RHPN1: variants seen among roughly 807,000 people sequenced by gnomAD.
The protein encoded by RHPN1 is rhophilin Rho GTPase binding protein 1.
Under a neutral mutation model 74.7 loss-of-function variants are expected in RHPN1, and 77 were observed. The observed-to-expected ratio is 1.03, with a 90% confidence interval of 0.86 to 1.25. The LOEUF (loss-of-function observed/expected upper bound fraction) is 1.25, where lower values mean the gene tolerates loss of function less well. Ranked by LOEUF, RHPN1 falls within the 50% of genes most tolerant of loss-of-function variation. The pLI, the probability that RHPN1 is intolerant of heterozygous loss-of-function variation, is 0.00. For missense variants in RHPN1, 987 were observed against 932.2 expected (o/e 1.06, Z -0.77); for synonymous variants, 444 against 414.5 (o/e 1.07, Z -0.87).
intron 7 of RHPN1, 71 bp from the exon 8 acceptor site, chr8:143,379,244 C>T: frequency 1.4e-6 from 2 of 1,457,958 alleles, no homozygotes; most frequent in Non-Finnish European, 9.1e-7. Flanking sequence ...AGCTGGCCGC[C>T]CTGAGTGCTG....
chr8:143,381,169 G>T, intron 11 of RHPN1, 99 bp from the exon 12 acceptor site: 2 of 1,006,596 alleles, frequency 2.0e-6, no homozygotes, highest in Non-Finnish European at 3.0e-6. Context: ...GTCAGAAGCG[G>T]GGCCTGTGTG....
At chr8:143,375,718 G>A (rs1237804339) in intron 2 of RHPN1, 50 bp downstream of exon 2, 3 of 1,430,050 alleles carry the variant, frequency 2.1e-6, no homozygotes, top group Admixed American at 4.1e-5. Context: ...ACCTGGGTGA[G>A]GGGGGCAGGA....
chr8:143,380,453 C>G, intron 10 of RHPN1, 136 bp from the exon 11 acceptor site: 2 of 813,184 alleles, frequency 2.5e-6, no homozygotes, highest in Middle Eastern at 7.3e-4. Flanking sequence ...CAGCCAGCTC[C>G]TCACCCCCGT....
chr8:143,378,665 G>A (rs1166289125), intron 5 of RHPN1, 31 bp from the exon 6 acceptor site: 2 of 1,586,630 alleles, frequency 1.3e-6, no homozygotes, highest in Non-Finnish European at 1.7e-6. Flanking sequence ...GTGGGCCAGG[G>A]CGGTGGGGCC....
Position 143,382,451 on chromosome 8 carries a change from GTCCTGCTGGGCCCCAGGGGGCT to G in RHPN1, c.1816_1837del (p.Leu606Ter), listed in dbSNP as rs1176352158. Reference sequence around the variant, plus strand: ...CCTGCTGCAGGGGGACCGCCGGCCCGTCCTGCTGGGCCCCAGGGGGCTTCTAAGGAGCCAGAGGGAGCATGGT... The same window carrying G: ...CCTGCTGCAGGGGGACCGCCGGCCCGTCTAAGGAGCCAGAGGGAGCATGGT... On this transcript the variant is annotated frameshift_variant, in exon 15 of 15. Transcript: ENST00000289013. LOFTEE classifies it low-confidence loss of function (END_TRUNC). 1 of 1,574,886 alleles carries G rather than the reference GTCCTGCTGGGCCCCAGGGGGCT, an allele frequency of 6.3e-7. No homozygotes were observed. Among genetic ancestry groups the G allele is most frequent in the African/African-American group, 1.3e-5 (1 of 74,132 alleles).
chr8:143,377,424 C>G lies in RHPN1; in HGVS notation c.350C>G (p.Thr117Ser), dbSNP rs754983678. 1 of 1,613,468 alleles carries G rather than the reference C, an allele frequency of 6.2e-7. No individual in the cohort carries two copies. The highest frequency in any genetic ancestry group is 8.5e-7 in the Non-Finnish European group (1 of 1,179,564). Residue 117 changes from threonine to serine, a missense_variant, in exon 4 of 15, where the codon ACC (threonine) becomes AGC (serine). By Grantham distance (58) the Thr-to-Ser change is moderately conservative. Coordinates refer to ENST00000289013, the MANE Select transcript of RHPN1 (RefSeq NM_052924.3). ...VPMIPLGLKE[T>S]KELDWSTPLK... ...ATGATCCCCCTGGGCCTGAAGGAGA[C>G]CAAGGAGCTGGACTGGTCTACACCG...
chr8:143,379,392 G>A lies in RHPN1; in HGVS notation c.829G>A (p.Glu277Lys). 6.3e-7 allele frequency: 1 copy of A among 1,597,054 alleles called. No homozygotes were observed. The highest frequency in any genetic ancestry group is 8.5e-7 in the Non-Finnish European group (1 of 1,172,308). Reference sequence around the variant, plus strand: ...GAGCGCTGCGTCCCTCTGCGCACTGGAGCAGCTCATGATGGCCCAGGCCCA... The same window carrying A: ...GAGCGCTGCGTCCCTCTGCGCACTGAAGCAGCTCATGATGGCCCAGGCCCA... ...DMSAASLCAL[E>K]QLMMAQAQEC... Residue 277 changes from glutamate (E) to lysine (K), a missense_variant, in exon 8 of 15, where the codon GAG becomes AAG. Transcript: ENST00000289013.
chr8:143,379,883 G>C lies in RHPN1; in HGVS notation c.1000G>C (p.Asp334His). 6.2e-7 allele frequency: 1 copy of C among 1,610,452 alleles called. No individual in the cohort carries two copies. The highest frequency in any genetic ancestry group is 1.7e-4 in the Middle Eastern group (1 of 6,052). ...GACCATGGCCCAGCCACCCGTCCAC[G>C]ACTACGTGCCTGTCTCCTGGACTGC... is the stretch of plus-strand genomic sequence containing the variant. ...HRTMAQPPVH[D>H]YVPVSWTALV... is the part of the protein sequence containing the mutation. Residue 334 changes from aspartate (D) to histidine (H), a missense_variant, in exon 9 of 15, where the codon GAC becomes CAC. Coordinates refer to ENST00000289013, the MANE Select transcript of RHPN1 (RefSeq NM_052924.3).
At chr8:143,374,007 G>A in intron 1 of RHPN1, 1 of 479,058 alleles carries the variant, frequency 2.1e-6, no homozygotes, top group Non-Finnish European at 2.7e-6. Flanking sequence ...GCTGGCTGCT[G>A]TGATTTTGGG....
At chr8:143,378,145 C>T in intron 4 of RHPN1, 124 bp from the exon 5 acceptor site, 1 of 815,818 alleles carries the variant, frequency 1.2e-6, no homozygotes, top group Non-Finnish European at 2.0e-6. Context: ...GCATGGCAGC[C>T]AGCCTGCTCT....
intron 1 of RHPN1, among the ~76,000 whole-genome samples, chr8:143,370,998 G>T (rs375864188): frequency 3.9e-5 from 6 of 152,146 alleles, no homozygotes. Flanking sequence ...AGGTTCCCCA[G>T]CCTGGCTGGA....
In RHPN1 at chr8:143,379,311, G is replaced by T. The variant is rs542361734; in HGVS notation, c.752-4G>T. Reference sequence around the variant, plus strand: ...TGCCTGTGTGAGCACCCCTCCCTCCGCAGGGGCCTTCAGCCTCCTGAGGGA... The same window carrying T: ...TGCCTGTGTGAGCACCCCTCCCTCCTCAGGGGCCTTCAGCCTCCTGAGGGA... On this transcript the variant is annotated splice_region_variant and splice_polypyrimidine_tract_variant and intron_variant, in intron 7 of 14. Transcript: ENST00000289013. 1.1e-5 allele frequency: 17 copies of T among 1,580,774 alleles called. No homozygotes were observed. Among genetic ancestry groups the T allele is most frequent in the South Asian group, 5.7e-5 (5 of 87,400 alleles).
In RHPN1 at chr8:143,381,253, C is replaced by T. The variant is rs778072287; in HGVS notation, c.1412-15C>T. 1.2e-6 allele frequency: 2 copies of T among 1,609,932 alleles called. No homozygotes were observed. On this transcript the variant is annotated splice_polypyrimidine_tract_variant and intron_variant, in intron 11 of 14. Coordinates refer to ENST00000289013, the MANE Select transcript of RHPN1 (RefSeq NM_052924.3). ...CACAGTCTCCCAGCTTAGCTCTGCT[C>T]TTACACCCTCTCAGCTAAGACCCAC...
At chr8:143,379,697 C>T in intron 8 of RHPN1, 132 bp from the exon 9 acceptor site, 1 of 1,451,408 alleles carries the variant, frequency 6.9e-7, no homozygotes, top group Non-Finnish European at 9.1e-7. Context: ...GGGGATGGCA[C>T]AAAGCAGCAG....
intron 1 of RHPN1, among the ~76,000 whole-genome samples, chr8:143,370,361 G>A (rs1346961133): frequency 1.3e-5 from 2 of 152,216 alleles, no homozygotes; most frequent in African/African-American, 4.8e-5. Context: ...GCGGAGGCAG[G>A]CCCTGTGTCA....
rs577841255 is a variant in RHPN1, at chr8:143,374,689, C to T, written c.61-864C>T. ...CGGGGAAGAGTGGGGGTTGGGAGGCCATGGTGAGAGGGAGGGACACGTGAG... is the reference window on the plus strand; with the variant it reads ...CGGGGAAGAGTGGGGGTTGGGAGGCTATGGTGAGAGGGAGGGACACGTGAG... On this transcript the variant is annotated intron_variant, in intron 1 of 14. Transcript: ENST00000289013. Among the ~76,000 whole-genome samples the T allele has an allele frequency of 8.5e-5, 13 of 152,238 alleles. No individual in the cohort carries two copies. The East Asian group carries it at 1.9e-3, about 23-fold the overall frequency.
In RHPN1 at chr8:143,377,404, C is replaced by A. The variant is rs1195537753; in HGVS notation, c.330C>A (p.Ile110=). The change falls in exon 4 of 15, where the codon ATC becomes ATA. Residue 110 remains isoleucine (I), a synonymous_variant. Coordinates refer to ENST00000289013, the MANE Select transcript of RHPN1 (RefSeq NM_052924.3). Reference sequence around the variant, plus strand: ...GCGAAGCTGTCACTGTCCCCATGATCCCCCTGGGCCTGAAGGAGACCAAGG... The same window carrying A: ...GCGAAGCTGTCACTGTCCCCATGATACCCCTGGGCCTGAAGGAGACCAAGG... ...HGSEAVTVPM[I]PLGLKETKEL... is the part of the protein sequence containing the mutation. 6.2e-7 allele frequency: 1 copy of A among 1,613,182 alleles called. No individual in the cohort carries two copies. Among genetic ancestry groups the A allele is most frequent in the South Asian group, 1.1e-5 (1 of 91,082 alleles).
chr8:143,375,484 G>A (rs1818150530), intron 1 of RHPN1, 69 bp from the exon 2 acceptor site: 1 of 1,087,166 alleles, frequency 9.2e-7, no homozygotes, highest in Non-Finnish European at 1.3e-6. Flanking sequence ...TCCTCTCAGT[G>A]GCTGGCGAGG....
Position 143,381,707 on chromosome 8 carries a change from A to T in RHPN1, c.1624A>T (p.Ser542Cys). 6.2e-7 allele frequency: 1 copy of T among 1,610,708 alleles called. No homozygotes were observed. The highest frequency in any genetic ancestry group is 1.1e-5 in the South Asian group (1 of 90,802). Reference protein sequence around the residue: ...PVLIAAVIPGSQAAAAGLKEG... With the variant: ...PVLIAAVIPGCQAAAAGLKEG... Reference sequence around the variant, plus strand: ...CCTCATCGCTGCCGTCATTCCAGGGAGCCAGGCCGCGGTAAGGGCCCCGCC... The same window carrying T: ...CCTCATCGCTGCCGTCATTCCAGGGTGCCAGGCCGCGGTAAGGGCCCCGCC... Residue 542 changes from serine to cysteine, a missense_variant, in exon 13 of 15, where the codon AGC becomes TGC. Coordinates refer to ENST00000289013, the MANE Select transcript of RHPN1 (RefSeq NM_052924.3).
Sources: gnomAD v4.1 joint callset for allele counts (sites outside exome capture counted in the v4.1 genomes callset) on GRCh38, gnomAD v4.1.1 for gene constraint, MANE v1.5 for transcripts, NCBI Gene and HGNC (gene_info 2026-07-23, HGNC 2026-07-21) for gene names.